GREB1L: variants seen among roughly 807,000 people sequenced by gnomAD.
GREB1L encodes the protein GREB1-like protein.
GREB1L carries 17 observed loss-of-function variants against 200.8 expected under a neutral mutation model. The ratio of observed to expected loss-of-function variants is 0.08; its 90% CI spans 0.06 to 0.13. GREB1L has a LOEUF of 0.13. GREB1L is among the 10% of genes least tolerant of loss of function. GREB1L has a pLI of 1.00. For synonymous variants in GREB1L, 789 were observed against 893.0 expected, an observed-to-expected ratio of 0.88 and a Z score of 2.08; for missense variants, 1,657 against 2,367.7, an observed-to-expected ratio of 0.70 and a Z score of 6.23.
intron 1 of GREB1L, among the ~76,000 whole-genome samples, chr18:21,362,143 A>C (rs1240956889): frequency 6.6e-6 from 1 of 152,168 alleles, no homozygotes; most frequent in African/African-American, 2.4e-5. Context: ...AGCCTTAAAA[A>C]AAACCCAGAA....
chr18:21,302,966 C>T (rs2038642590), intron 1 of GREB1L, among the ~76,000 whole-genome samples: 1 of 151,988 alleles, frequency 6.6e-6, no homozygotes, highest in Non-Finnish European at 1.5e-5. Context: ...CGTGATCCAC[C>T]CGCCTCCGCC....
chr18:21,491,778 T>C (rs118155661), intron 19 of GREB1L, among the ~76,000 whole-genome samples: 1,681 of 151,944 alleles, frequency 0.011, 23 homozygotes, highest in Middle Eastern at 0.027. Context: ...CTAACCTAAA[T>C]TGAATAATCC....
intron 1 of GREB1L, among the ~76,000 whole-genome samples, chr18:21,355,298 A>G (rs1330750734): frequency 6.6e-6 from 1 of 151,852 alleles, no homozygotes; most frequent in East Asian, 1.9e-4. Flanking sequence ...AGTTCAAGCA[A>G]TTCTTCTGCC....
chr18:21,243,228 A>G (rs969473714), intron 1 of GREB1L, among the ~76,000 whole-genome samples: 10 of 151,996 alleles, frequency 6.6e-5, no homozygotes, highest in African/African-American at 2.4e-4. Context: ...TTAAGAGGAA[A>G]CTCCATGTGG....
Position 21,383,581 on chromosome 18 carries a change from C to T in GREB1L, c.63C>T (p.Ser21=), listed in dbSNP as rs1248024757. ...GATTTGAGGAAGCTCTCCACAACTCCATAGAAGCCTCCCTCAGATGTAGTA... is the reference window on the plus strand; with the variant it reads ...GATTTGAGGAAGCTCTCCACAACTCTATAGAAGCCTCCCTCAGATGTAGTA... ...SARFEEALHN[S]IEASLRCSSV... is the part of the protein sequence containing the mutation. The change falls in exon 3 of 33, where the codon TCC becomes TCT. Residue 21 remains serine, a synonymous_variant. Coordinates refer to ENST00000424526, the MANE Select transcript of GREB1L (RefSeq NM_001142966.3). 1 of 1,550,710 alleles carries T rather than the reference C, an allele frequency of 6.4e-7. No homozygotes were observed. The highest frequency in any genetic ancestry group is 1.7e-4 in the Middle Eastern group (1 of 5,990).
intron 7 of GREB1L, among the ~76,000 whole-genome samples, chr18:21,418,137 A>G (rs1210349799): frequency 6.6e-6 from 1 of 152,188 alleles, no homozygotes; most frequent in Non-Finnish European, 1.5e-5. Context: ...AGTAAATTGT[A>G]TGACAATAGT....
At chr18:21,471,917 A>G (rs2035500605) in intron 15 of GREB1L, among the ~76,000 whole-genome samples, 1 of 152,160 alleles carries the variant, frequency 6.6e-6, no homozygotes, top group South Asian at 2.1e-4. Context: ...CACCACACCC[A>G]GCCACAATCC....
chr18:21,461,390 CCTG>C (rs1027125289), intron 15 of GREB1L, among the ~76,000 whole-genome samples: 1 of 152,200 alleles, frequency 6.6e-6, no homozygotes, highest in Non-Finnish European at 1.5e-5. Context: ...GTTAATCCCA[CCTG>C]GCCCTCCAGC....
rs745423470 is a variant in GREB1L, at chr18:21,394,931, T to TAA, written c.356-432_356-431dup. 4.9e-3 allele frequency among the ~76,000 whole-genome samples: 408 copies of TAA among 82,622 alleles called. 6 individuals are homozygous for TAA. The highest frequency in any genetic ancestry group is 0.028 in the South Asian group (64 of 2,296). 54.2% of individuals were successfully genotyped at this position (82,622 alleles called of 152,430 possible). A position where few individuals can be genotyped will look rare whatever the true frequency, so the allele number is the denominator to read the frequency against. ...CAACATGGGGAAGCTCCATCTCTAC[T>TAA]AAAAAAAAAAAAAAAAAAAAAAATT... On this transcript the variant is annotated intron_variant, in intron 4 of 32. Transcript: ENST00000424526.
chr18:21,371,143 TG>T (rs2039856300), intron 2 of GREB1L, among the ~76,000 whole-genome samples: 1 of 152,178 alleles, frequency 6.6e-6, no homozygotes, highest in Non-Finnish European at 1.5e-5. Context: ...CCAGTCACAC[TG>T]GCCACGTTTT....
At chr18:21,490,817 C>T (rs2036305043) in intron 19 of GREB1L, among the ~76,000 whole-genome samples, 1 of 152,186 alleles carries the variant, frequency 6.6e-6, no homozygotes, top group Non-Finnish European at 1.5e-5. Flanking sequence ...GTTTCATCTT[C>T]AGTACTCAGA....
At chr18:21,494,080 G>T (rs1419644711) in intron 19 of GREB1L, among the ~76,000 whole-genome samples, 1 of 151,908 alleles carries the variant, frequency 6.6e-6, no homozygotes, top group Non-Finnish European at 1.5e-5. Flanking sequence ...TTCCAGAATG[G>T]TTTGCTTTAA....
chr18:21,427,515 A>G (rs2032712043), intron 7 of GREB1L, among the ~76,000 whole-genome samples: 1 of 152,200 alleles, frequency 6.6e-6, no homozygotes. Flanking sequence ...AAAAAAACAA[A>G]AAACAAAAAA....
chr18:21,251,888 T>G (rs1210566702), intron 1 of GREB1L, among the ~76,000 whole-genome samples: 2 of 142,722 alleles, frequency 1.4e-5, no homozygotes, highest in Non-Finnish European at 3.0e-5. Context: ...GAGGTTGCAG[T>G]GAGCTGGGAT....
intron 6 of GREB1L, among the ~76,000 whole-genome samples, chr18:21,403,063 T>C (rs139849625): frequency 6.6e-6 from 1 of 152,276 alleles, no homozygotes; most frequent in East Asian, 1.9e-4. Flanking sequence ...TGTATGTATC[T>C]CATAAACTTG....
intron 15 of GREB1L, among the ~76,000 whole-genome samples, chr18:21,466,979 AAGGG>A (rs1387841583): frequency 3.3e-5 from 5 of 152,206 alleles, no homozygotes; most frequent in Non-Finnish European, 5.9e-5. Context: ...CAGTTTTGAC[AAGGG>A]TGCCAAGACA....
At chr18:21,446,976 T>A (rs1244288177) in intron 11 of GREB1L, among the ~76,000 whole-genome samples, 1 of 152,210 alleles carries the variant, frequency 6.6e-6, no homozygotes. Context: ...AAACCTTGAC[T>A]TTTCCTATTA....
chr18:21,309,895 C>G (rs531392890), intron 1 of GREB1L, among the ~76,000 whole-genome samples: 2 of 152,176 alleles, frequency 1.3e-5, no homozygotes, highest in East Asian at 3.9e-4. Context: ...CACAAAACAG[C>G]CCCCCATCCC....
chr18:21,300,080 T>TA (rs2038594666), intron 1 of GREB1L, among the ~76,000 whole-genome samples: 1 of 152,154 alleles, frequency 6.6e-6, no homozygotes, highest in South Asian at 2.1e-4. Flanking sequence ...CTTTATGGTA[T>TA]AATAACATTT....
Sources: allele counts gnomAD v4.1 joint callset (sites outside exome capture counted in the v4.1 genomes callset), GRCh38; gene constraint gnomAD v4.1.1; transcripts MANE v1.5; gene names NCBI Gene and HGNC (gene_info 2026-07-23, HGNC 2026-07-21).